The following GRK5 variants were observed in gnomAD, a reference collection of about 807,000 sequenced individuals.
GRK5 encodes the protein G protein-coupled receptor kinase 5, also known as g protein-coupled receptor kinase GRK5.
A neutral mutation model predicts 78.4 loss-of-function variants in GRK5; 40 were observed. That is an observed-to-expected ratio of 0.51 (90% confidence interval 0.40 to 0.66). The LOEUF (loss-of-function observed/expected upper bound fraction) is 0.66. Among genes scored for constraint, GRK5 ranks in the 30% least tolerant of loss-of-function variants. The pLI, the probability that GRK5 is intolerant of heterozygous loss-of-function variation, is 0.00. For synonymous variants in GRK5, 289 were observed against 296.8 expected (o/e 0.97, Z 0.27); for missense variants, 598 against 759.9 (o/e 0.79, Z 2.50).
chr10:119,402,740 G>A (rs896754852), intron 4 of GRK5, among the ~76,000 whole-genome samples: 1 of 152,152 alleles, frequency 6.6e-6, no homozygotes, highest in Non-Finnish European at 1.5e-5. Flanking sequence ...TGTAATCCCA[G>A]CTACTCCAGA....
chr10:119,269,011 C>T (rs1330604077), intron 1 of GRK5, among the ~76,000 whole-genome samples: 1 of 152,216 alleles, frequency 6.6e-6, no homozygotes, highest in Non-Finnish European at 1.5e-5. Context: ...CCATGGGCTT[C>T]CTGTCACAGG....
chr10:119,313,149 A>G (rs969005916), intron 1 of GRK5, among the ~76,000 whole-genome samples: 26 of 129,538 alleles, frequency 2.0e-4, no homozygotes, highest in Non-Finnish European at 4.0e-4. Flanking sequence ...GGTAGTGGTG[A>G]TGGTGGTGGT....
At chr10:119,230,429 A>G (rs1220743501) in intron 1 of GRK5, among the ~76,000 whole-genome samples, 2 of 152,172 alleles carry the variant, frequency 1.3e-5, no homozygotes, top group African/African-American at 4.8e-5. Flanking sequence ...CCTCACAATC[A>G]TGGCAGAAGG....
chr10:119,254,386 AT>A (rs368285997), intron 1 of GRK5, among the ~76,000 whole-genome samples: 54 of 147,632 alleles, frequency 3.7e-4, no homozygotes, highest in Middle Eastern at 3.5e-3. Flanking sequence ...TAAGTTTTAG[AT>A]TTTTTTTTTT....
At chr10:119,402,517 C>G (rs1013236479) in intron 4 of GRK5, among the ~76,000 whole-genome samples, 15 of 152,178 alleles carry the variant, frequency 9.9e-5, no homozygotes, top group Non-Finnish European at 1.8e-4. Context: ...TAAGTGAAAA[C>G]AGAATTATAT....
chr10:119,211,367 G>A (rs1848483543), intron 1 of GRK5: 1 of 152,186 alleles, frequency 6.6e-6, no homozygotes, highest in Non-Finnish European at 1.5e-5. Context: ...AAAATTGGCA[G>A]GCGACCTAAT....
chr10:119,277,475 C>A (rs1475448163), intron 1 of GRK5, among the ~76,000 whole-genome samples: 1 of 152,308 alleles, frequency 6.6e-6, no homozygotes. Context: ...ACCCCTCTCC[C>A]CCTCTTCTGC....
intron 2 of GRK5, among the ~76,000 whole-genome samples, chr10:119,366,707 A>G (rs1231542673): frequency 2.6e-5 from 4 of 152,186 alleles, no homozygotes; most frequent in Non-Finnish European, 4.4e-5. Flanking sequence ...CCAATAGGTC[A>G]TTGGTACATC....
At chr10:119,429,893 A>G in intron 6 of GRK5, among the ~76,000 whole-genome samples, 1 of 152,140 alleles carries the variant, frequency 6.6e-6, no homozygotes, top group East Asian at 1.9e-4. Context: ...GACAGGAAGC[A>G]CTGTCATCCT....
At chr10:119,403,410 C>A (rs1852183885) in intron 4 of GRK5, among the ~76,000 whole-genome samples, 1 of 152,184 alleles carries the variant, frequency 6.6e-6, no homozygotes, top group Admixed American at 6.5e-5. Context: ...CGTGATCCAC[C>A]CGCCTCAGCC....
chr10:119,396,949 G>A (rs1852065433), intron 4 of GRK5, among the ~76,000 whole-genome samples, 177 bp downstream of exon 4: 1 of 152,254 alleles, frequency 6.6e-6, no homozygotes, highest in Non-Finnish European at 1.5e-5. Flanking sequence ...AGCCTGGCAG[G>A]GCCAAGATGG....
intron 4 of GRK5, among the ~76,000 whole-genome samples, chr10:119,421,161 C>T (rs1313881143): frequency 1.3e-5 from 2 of 152,248 alleles, no homozygotes; most frequent in African/African-American, 4.8e-5. Flanking sequence ...GCACCAGCTC[C>T]GTGCCAGGCC....
chr10:119,275,287 A>T (rs192110826), intron 1 of GRK5, among the ~76,000 whole-genome samples: 1 of 152,276 alleles, frequency 6.6e-6, no homozygotes, highest in East Asian at 1.9e-4. Context: ...CCAAGCAGTG[A>T]CCTGGACTTG....
At chr10:119,240,430 T>C (rs1849006232) in intron 1 of GRK5, among the ~76,000 whole-genome samples, 1 of 151,952 alleles carries the variant, frequency 6.6e-6, no homozygotes, top group Non-Finnish European at 1.5e-5. Flanking sequence ...CTCGACCTCC[T>C]GACATCATGA....
chr10:119,313,400 G>A (rs1328842580), intron 1 of GRK5, among the ~76,000 whole-genome samples: 2 of 152,090 alleles, frequency 1.3e-5, no homozygotes, highest in African/African-American at 4.8e-5. Flanking sequence ...ACATTTAGTG[G>A]CACCTATGAG....
rs1853384202 is a variant in GRK5, at chr10:119,455,307, A to G, written c.*240A>G. 5.8e-6 allele frequency: 4 copies of G among 687,342 alleles called. No homozygotes were observed. Among genetic ancestry groups the G allele is most frequent in the South Asian group, 4.5e-5 (3 of 66,276 alleles). The allele number at this position is 687,342 out of a possible 1,614,324, so 42.6% of individuals were successfully genotyped here. The stretch of plus-strand genomic sequence containing the variant: ...TGGATTTGTCTTTGGTGAACATTGC[A>G]ATAGAAATCCAATTGGATACGACAA... On this transcript the variant is annotated 3_prime_UTR_variant, in exon 16 of 16. Transcript: ENST00000392870.
chr10:119,325,636 AC>A (rs1850662255), intron 1 of GRK5, among the ~76,000 whole-genome samples: 1 of 152,188 alleles, frequency 6.6e-6, no homozygotes, highest in African/African-American at 2.4e-5. Flanking sequence ...CCCTCTGGCC[AC>A]ATGGCACAGC....
chr10:119,305,029 G>A (rs1050002599), intron 1 of GRK5, among the ~76,000 whole-genome samples: 4 of 140,238 alleles, frequency 2.9e-5, no homozygotes, highest in African/African-American at 1.1e-4. Flanking sequence ...TCTCCCTGCA[G>A]TTTTTCTTTT....
chr10:119,259,689 A>G (rs958993670), intron 1 of GRK5, among the ~76,000 whole-genome samples: 6 of 152,164 alleles, frequency 3.9e-5, no homozygotes, highest in African/African-American at 9.7e-5. Flanking sequence ...TGATGATGGA[A>G]ATGTTCTGTA....
Sources: allele counts gnomAD v4.1 joint callset (sites outside exome capture counted in the v4.1 genomes callset), GRCh38; gene constraint gnomAD v4.1.1; transcripts MANE v1.5; gene names NCBI Gene and HGNC (gene_info 2026-07-23, HGNC 2026-07-21).